The following TNFRSF1B variants were observed in gnomAD, a reference collection of about 807,000 sequenced individuals.
TNFRSF1B encodes TNF receptor superfamily member 1B, also known as tumor necrosis factor receptor superfamily member 1B.
TNFRSF1B carries 19 observed loss-of-function variants against 44.6 expected under a neutral mutation model. That is an observed-to-expected ratio of 0.43 (90% CI 0.30 to 0.62). The LOEUF is 0.62. Among genes scored for constraint, TNFRSF1B ranks in the 20% least tolerant of loss-of-function variants. TNFRSF1B has a pLI of 0.16. For missense variants in TNFRSF1B, 541 were observed against 619.9 expected, an observed-to-expected ratio of 0.87 and a Z score of 1.35; for synonymous variants, 252 against 261.1, an observed-to-expected ratio of 0.97 and a Z score of 0.34.
At chr1:12,196,928 C>A (rs1639278986) in intron 8 of TNFRSF1B, among the ~76,000 whole-genome samples, 1 of 150,360 alleles carries the variant, frequency 6.7e-6, no homozygotes, top group East Asian at 1.9e-4. Flanking sequence ...GCAGCCTCTG[C>A]TTCCCTTTTC....
chr1:12,167,320 GAC>G (rs899258427), intron 1 of TNFRSF1B, 151 bp downstream of exon 1: 6 of 552,066 alleles, frequency 1.1e-5, no homozygotes, highest in African/African-American at 5.9e-5. Context: ...ATCCGCATCA[GAC>G]ACGCGCGCCT....
chr1:12,198,689 C>CTTTTTTTTTTTTT (rs1324757848), intron 8 of TNFRSF1B, among the ~76,000 whole-genome samples: 7 of 44,090 alleles, frequency 1.6e-4, no homozygotes, highest in Admixed American at 2.5e-4. Context: ...GGCTGGAATT[C>CTTTTTTTTTTTTT]TGTTTTTTTT....
chr1:12,186,159 TCCAGCTGTTGG>T lies in TNFRSF1B; in HGVS notation c.79-2635_79-2625del, dbSNP rs1363622564. Reference sequence around the variant, plus strand: ...CTCTGGGTCGTTCCCGCTGAGGGATTCCAGCTGTTGGCACCGAGGGGTGCAGCCAGGGCAGG... The same window carrying T: ...CTCTGGGTCGTTCCCGCTGAGGGATTCACCGAGGGGTGCAGCCAGGGCAGG... On this transcript the variant is annotated intron_variant, in intron 1 of 9. Transcript: ENST00000376259. The surrounding 1 kb of genome is among the most constrained non-coding windows in gnomAD (Gnocchi z 4.8). Among the ~76,000 whole-genome samples the T allele has an allele frequency of 1.3e-5, 2 of 152,166 alleles. No individual in the cohort carries two copies. Among genetic ancestry groups the T allele is most frequent in the Non-Finnish European group, 2.9e-5 (2 of 68,008 alleles).
chr1:12,185,442 C>A (rs1447344939), intron 1 of TNFRSF1B, among the ~76,000 whole-genome samples: 1 of 152,134 alleles, frequency 6.6e-6, no homozygotes, highest in Non-Finnish European at 1.5e-5. Context: ...TGAGCTCCCC[C>A]CACACTGTGT....
chr1:12,207,540 C>T lies in TNFRSF1B; in HGVS notation c.*520C>T, dbSNP rs1410942999. The T allele has an allele frequency of 6.5e-6, 1 of 154,512 alleles. No homozygotes were observed. Among genetic ancestry groups the T allele is most frequent in the African/African-American group, 2.4e-5 (1 of 41,482 alleles). 9.6% of individuals were successfully genotyped at this position (154,512 alleles called of 1,614,324 possible). A position where few individuals can be genotyped will look rare whatever the true frequency, so the allele number is the denominator to read the frequency against. On this transcript the variant is annotated 3_prime_UTR_variant, in exon 10 of 10. Coordinates refer to ENST00000376259, the MANE Select transcript of TNFRSF1B (RefSeq NM_001066.3). ...CTGAGGCTGAGACTGCGGGATGGTCCTGGGGCTCTGTGCAGGGAGGAGGTG... is the reference window on the plus strand; with the variant it reads ...CTGAGGCTGAGACTGCGGGATGGTCTTGGGGCTCTGTGCAGGGAGGAGGTG...
In TNFRSF1B at chr1:12,192,871, T is replaced by C. The variant is rs745814265; in HGVS notation, c.560T>C (p.Val187Ala). ...DICRPHQICN[V>A]VAIPGNASMD... ...GCCTCCTCCTCCTCCAGCTGTAACG[T>C]GGTGGCCATCCCTGGGAATGCAAGC... Residue 187 changes from valine (V) to alanine (A), a missense_variant, in exon 6 of 10, where the codon GTG becomes GCG. Val to Ala is a moderately conservative substitution (Grantham distance 64, BLOSUM62 0). Coordinates refer to ENST00000376259, the MANE Select transcript of TNFRSF1B (RefSeq NM_001066.3). 10 of 1,613,456 alleles carry C rather than the reference T, an allele frequency of 6.2e-6. No individual in the cohort carries two copies. In the African/African-American group the frequency reaches 1.1e-4, roughly 17 times the overall value.
chr1:12,205,593 G>A (rs1367642514), intron 9 of TNFRSF1B, among the ~76,000 whole-genome samples: 1 of 152,078 alleles, frequency 6.6e-6, no homozygotes, highest in African/African-American at 2.4e-5. Context: ...GCAGCAGCAG[G>A]GCAGGGTGAC....
At position 12,207,052 on chromosome 1, in the gene TNFRSF1B, G is replaced by C. The variant is rs1485350456; in HGVS notation, c.*32G>C. 4.6e-6 allele frequency: 7 copies of C among 1,536,408 alleles called. No homozygotes were observed. In the African/African-American group the frequency reaches 8.2e-5, roughly 18 times the overall value. ...CGGTGTGGGCTGTGTCGTAGCCAAG[G>C]TGGGCTGAGCCCTGGCAGGATGACC... On this transcript the variant is annotated 3_prime_UTR_variant, in exon 10 of 10. Transcript: ENST00000376259.
chr1:12,191,814 C>A lies in TNFRSF1B; in HGVS notation c.348C>A (p.Arg116=). 6.2e-7 allele frequency: 1 copy of A among 1,613,516 alleles called. No homozygotes were observed. The highest frequency in any genetic ancestry group is 8.5e-7 in the Non-Finnish European group (1 of 1,179,808). The change falls in exon 4 of 10, where the codon CGC becomes CGA. Residue 116 remains arginine (R), a synonymous_variant. Transcript: ENST00000376259. ...AAGCCTGCACTCGGGAACAGAACCG[C>A]ATCTGCACCTGCAGGCCCGGCTGGT... ...ETQACTREQN[R]ICTCRPGWYC...
chr1:12,184,313 TTCC>T (rs1168556896), intron 1 of TNFRSF1B, among the ~76,000 whole-genome samples: 1 of 152,048 alleles, frequency 6.6e-6, no homozygotes, highest in East Asian at 1.9e-4. Flanking sequence ...GGGCTTTCTG[TTCC>T]TCATTGTTTA....
At chr1:12,184,873 C>T (rs1014848720) in intron 1 of TNFRSF1B, among the ~76,000 whole-genome samples, 18 of 152,158 alleles carry the variant, frequency 1.2e-4, no homozygotes, top group Admixed American at 3.3e-4. Context: ...AGGATTCCCA[C>T]GAGACCTGTG....
At chr1:12,183,731 AT>A (rs1638892598) in intron 1 of TNFRSF1B, among the ~76,000 whole-genome samples, 1 of 121,122 alleles carries the variant, frequency 8.3e-6, no homozygotes, top group African/African-American at 2.9e-5. Flanking sequence ...CTATCTATCT[AT>A]CTATCTATCT....
At chr1:12,205,798 T>G (rs1183659353) in intron 9 of TNFRSF1B, among the ~76,000 whole-genome samples, 3 of 152,014 alleles carry the variant, frequency 2.0e-5, no homozygotes, top group Non-Finnish European at 4.4e-5. Flanking sequence ...ATTTTTTTTT[T>G]TGTATTTTGA....
At position 12,196,858 on chromosome 1, in the gene TNFRSF1B, C is replaced by T. The variant is rs1639277667; in HGVS notation, c.900+2240C>T. Among the ~76,000 whole-genome samples, 7 of 152,354 alleles carry T rather than the reference C, an allele frequency of 4.6e-5. No homozygotes were observed. The South Asian group carries it at 1.4e-3, about 32-fold the overall frequency. On this transcript the variant is annotated intron_variant, in intron 8 of 9. Coordinates refer to ENST00000376259, the MANE Select transcript of TNFRSF1B (RefSeq NM_001066.3). ...CGCAGCAGCCCAGCTGTCACCTTCCCTTTCCCCACCAAGCGTTTCCCAATC... is the reference window on the plus strand; with the variant it reads ...CGCAGCAGCCCAGCTGTCACCTTCCTTTTCCCCACCAAGCGTTTCCCAATC...
intron 9 of TNFRSF1B, among the ~76,000 whole-genome samples, chr1:12,204,465 T>C (rs1181426207): frequency 1.3e-5 from 2 of 151,892 alleles, no homozygotes; most frequent in Non-Finnish European, 2.9e-5. Flanking sequence ...CCTATCCGAG[T>C]AGTTGGAGTT....
rs758204349 is a variant in TNFRSF1B, at chr1:12,191,019, A to C, written c.241A>C (p.Ser81Arg). Residue 81 changes from serine to arginine, a missense_variant, in exon 3 of 10, where the codon AGC (serine) becomes CGC (arginine). Coordinates refer to ENST00000376259, the MANE Select transcript of TNFRSF1B (RefSeq NM_001066.3). The part of the protein sequence containing the change: ...SDTVCDSCED[S>R]TYTQLWNWVP... The stretch of plus-strand genomic sequence containing the variant: ...CACCGTGTGTGACTCCTGTGAGGAC[A>C]GCACATACACCCAGCTCTGGAACTG... The C allele has an allele frequency of 6.2e-7, 1 of 1,614,206 alleles. No individual in the cohort carries two copies. The highest frequency in any genetic ancestry group is 1.1e-5 in the South Asian group (1 of 91,088).
intron 9 of TNFRSF1B, among the ~76,000 whole-genome samples, chr1:12,205,424 GT>G: frequency 1.3e-5 from 2 of 152,216 alleles, no homozygotes; most frequent in Admixed American, 1.3e-4. Flanking sequence ...AGGACTGTGG[GT>G]TTTTGAGCCC....
In TNFRSF1B at chr1:12,177,380, C is replaced by T. The variant is rs913005300; in HGVS notation, c.78+10211C>T. ...TTTGCAGTCGGTCACAGGGCCAGCC[C>T]GGTCCTGGTCACCGCTGGCTGGTTA... On this transcript the variant is annotated intron_variant, in intron 1 of 9. Transcript: ENST00000376259. This position sits in a 1 kb window ranked among gnomAD's most constrained non-coding sequence, Gnocchi z 4.3. Among the ~76,000 whole-genome samples the T allele has an allele frequency of 1.2e-4, 18 of 152,240 alleles. No individual in the cohort carries two copies. The highest frequency in any genetic ancestry group is 2.1e-4 in the South Asian group (1 of 4,826).
At chr1:12,192,392 GTGTC>G in intron 4 of TNFRSF1B, 35 bp from the exon 5 acceptor site, 15 of 1,604,288 alleles carry the variant, frequency 9.3e-6, no homozygotes, top group Non-Finnish European at 1.3e-5. Context: ...GTCCCGCAGA[GTGTC>G]TGAGTGGTTG....
Sources: gnomAD v4.1 joint callset for allele counts (sites outside exome capture counted in the v4.1 genomes callset) on GRCh38, gnomAD v4.1.1 for gene constraint, Gnocchi (gnomAD v3.1) non-coding constraint, MANE v1.5 for transcripts, NCBI Gene and HGNC (gene_info 2026-07-23, HGNC 2026-07-21) for gene names.